The following STK32B variants were observed in gnomAD, a reference collection of about 807,000 sequenced individuals.
STK32B encodes serine/threonine-protein kinase 32B.
A neutral mutation model predicts 52.6 loss-of-function variants in STK32B; 43 were observed. The observed-to-expected ratio is 0.82, with a 90% CI of 0.64 to 1.05. The LOEUF is 1.05. Among genes scored for constraint, STK32B ranks in the 50% least tolerant of loss-of-function variants. The pLI is 0.00. For missense variants in STK32B, 621 were observed against 534.6 expected, an observed-to-expected ratio of 1.16 and a Z score of -1.59; for synonymous variants, 238 against 204.3, an observed-to-expected ratio of 1.17 and a Z score of -1.41.
intron 3 of STK32B, among the ~76,000 whole-genome samples, chr4:5,211,242 C>T (rs1012262469): frequency 1.3e-5 from 2 of 152,160 alleles, no homozygotes; most frequent in African/African-American, 4.8e-5. Context: ...TGCTTTTCCA[C>T]AAATACACAT....
chr4:5,163,746 G>A (rs562213561), intron 2 of STK32B, among the ~76,000 whole-genome samples: 67 of 152,292 alleles, frequency 4.4e-4, no homozygotes, highest in Admixed American at 2.3e-3. Context: ...GAGCAGAGGT[G>A]GGGTAGCCAG....
chr4:5,064,938 A>G (rs1315255336), intron 1 of STK32B, among the ~76,000 whole-genome samples: 1 of 150,866 alleles, frequency 6.6e-6, no homozygotes, highest in East Asian at 1.9e-4. Context: ...TTGATGCAAT[A>G]TTTCTTCTTA....
intron 3 of STK32B, among the ~76,000 whole-genome samples, chr4:5,322,172 AAAT>A (rs1300218287): frequency 1.3e-5 from 2 of 152,082 alleles, no homozygotes; most frequent in Admixed American, 6.5e-5. Context: ...TGTCTATGAA[AAAT>A]AATAATAAGC....
intron 1 of STK32B, among the ~76,000 whole-genome samples, chr4:5,061,143 A>T (rs186178301): frequency 5.9e-5 from 9 of 152,274 alleles, no homozygotes; most frequent in Non-Finnish European, 7.4e-5. Flanking sequence ...AGACCTTATC[A>T]CTATGCCCCA....
the STK32B span, among the ~76,000 whole-genome samples, chr4:5,019,878 A>C: frequency 6.6e-6 from 1 of 152,126 alleles, no homozygotes; most frequent in Non-Finnish European, 1.5e-5. Context: ...TAGTGCCAGG[A>C]GGGAAAGGGA....
intron 3 of STK32B, among the ~76,000 whole-genome samples, chr4:5,293,675 A>AT (rs1270955372): frequency 2.0e-5 from 3 of 147,692 alleles, no homozygotes; most frequent in Non-Finnish European, 4.4e-5. Flanking sequence ...TTCCTTGTAG[A>AT]TTTTGGGTAT....
intron 5 of STK32B, among the ~76,000 whole-genome samples, chr4:5,409,372 ACTT>A (rs755243147): frequency 8.6e-5 from 13 of 151,824 alleles, no homozygotes; most frequent in Non-Finnish European, 1.6e-4. Context: ...CGTTGCAAAA[ACTT>A]CTCCAAAGTG....
intron 2 of STK32B, among the ~76,000 whole-genome samples, chr4:5,154,076 A>G (rs887308996): frequency 1.3e-5 from 2 of 152,222 alleles, no homozygotes; most frequent in African/African-American, 4.8e-5. Flanking sequence ...TATATTACCC[A>G]ATATCAAGAT....
rs138488750 is a variant in STK32B at position 5,056,823 on chromosome 4, G to C, written c.52+4908G>C. On this transcript the variant is annotated intron_variant, in intron 1 of 11. Transcript: ENST00000282908. ...AGAGTCAGCTCCACTTGAGGCATTTGGAATAAGGATCTATGTGAAGAATTT... is the reference window on the plus strand; with the variant it reads ...AGAGTCAGCTCCACTTGAGGCATTTCGAATAAGGATCTATGTGAAGAATTT... Among the ~76,000 whole-genome samples, 1,205 of 152,264 alleles carry C rather than the reference G, an allele frequency of 7.9e-3. 4 individuals carry two copies. Among genetic ancestry groups the C allele is most frequent in the Non-Finnish European group, 0.013 (887 of 68,018 alleles).
chr4:5,295,684 C>T (rs184706726), intron 3 of STK32B, among the ~76,000 whole-genome samples: 99 of 152,120 alleles, frequency 6.5e-4, no homozygotes, highest in African/African-American at 1.8e-3. Context: ...ATTAGTCTGG[C>T]TAGCGGGCTA....
chr4:5,335,862 A>C (rs62300014), intron 4 of STK32B, among the ~76,000 whole-genome samples: 19,207 of 151,592 alleles, frequency 0.13, 2,127 homozygotes, highest in African/African-American at 0.27. Flanking sequence ...TATAATTTCT[A>C]TTCTTTTACA....
chr4:5,302,700 A>G (rs879255812), intron 3 of STK32B, among the ~76,000 whole-genome samples: 1 of 152,072 alleles, frequency 6.6e-6, no homozygotes, highest in Admixed American at 6.6e-5. Context: ...TGGTGCACCC[A>G]TCACCTGAGC....
intron 3 of STK32B, among the ~76,000 whole-genome samples, chr4:5,214,668 A>C (rs1723086746): frequency 6.6e-6 from 1 of 152,086 alleles, no homozygotes; most frequent in South Asian, 2.1e-4. Flanking sequence ...GTTAAAAATC[A>C]CTCATGATCT....
Position 5,271,182 on chromosome 4 carries a change from C to T in STK32B, c.261-60038C>T, listed in dbSNP as rs372045894. ...CAAATTCCTGACCTCATGATCCACC[C>T]GCCTTGACCTCCCAAAGTGCTGGGA... On this transcript the variant is annotated intron_variant, in intron 3 of 11. Coordinates refer to ENST00000282908, the MANE Select transcript of STK32B (RefSeq NM_018401.3). 1.5e-4 allele frequency among the ~76,000 whole-genome samples: 23 copies of T among 152,290 alleles called. 1 individual carries two copies. Among genetic ancestry groups the T allele is most frequent in the South Asian group, 6.2e-4 (3 of 4,818 alleles).
intron 1 of STK32B, among the ~76,000 whole-genome samples, chr4:5,084,694 A>C (rs1325846763): frequency 6.6e-6 from 1 of 152,216 alleles, no homozygotes; most frequent in Non-Finnish European, 1.5e-5. Flanking sequence ...TGTTGGAAAA[A>C]GTAACTTCTG....
At chr4:5,300,744 T>C (rs545556987) in intron 3 of STK32B, among the ~76,000 whole-genome samples, 53 of 152,098 alleles carry the variant, frequency 3.5e-4, no homozygotes, top group Non-Finnish European at 4.9e-4. Context: ...AGGTGAAAGA[T>C]TCCTACAAGG....
At chr4:5,033,167 C>T in the STK32B span, among the ~76,000 whole-genome samples, 3 of 152,198 alleles carry the variant, frequency 2.0e-5, no homozygotes, top group South Asian at 6.2e-4. Flanking sequence ...GGGTCAGCGG[C>T]CTCATGGAAG....
intron 2 of STK32B, among the ~76,000 whole-genome samples, chr4:5,156,806 C>A (rs1449949560): frequency 6.6e-6 from 1 of 152,116 alleles, no homozygotes; most frequent in East Asian, 1.9e-4. Flanking sequence ...CTTTATGCCC[C>A]TCAAAGGAAG....
At chr4:5,160,635 G>C (rs912304509) in intron 2 of STK32B, among the ~76,000 whole-genome samples, 4 of 152,182 alleles carry the variant, frequency 2.6e-5, no homozygotes, top group African/African-American at 4.8e-5. Context: ...TTTCTAAATA[G>C]TAATGACTCA....
Sources: allele counts gnomAD v4.1 joint callset (sites outside exome capture counted in the v4.1 genomes callset), GRCh38; gene constraint gnomAD v4.1.1; transcripts MANE v1.5; gene names NCBI Gene and HGNC (gene_info 2026-07-23, HGNC 2026-07-21).